The following OPTC variants were observed in gnomAD, a reference collection of about 807,000 sequenced individuals.
OPTC encodes the protein opticin.
Under a neutral mutation model 25.4 loss-of-function variants are expected in OPTC, and 22 were observed. That is an observed-to-expected ratio of 0.87 (90% CI 0.62 to 1.24). The LOEUF is 1.24. Among genes scored for constraint, OPTC ranks in the 50% most tolerant of loss-of-function variants. OPTC has a pLI of 0.00. For missense variants in OPTC, 417 were observed against 425.2 expected (o/e 0.98, Z 0.17); for synonymous variants, 169 against 179.3 (o/e 0.94, Z 0.46).
Position 203,498,809 on chromosome 1 carries a change from C to T in OPTC, c.499C>T (p.Arg167Cys), listed in dbSNP as rs149651299. The change falls in exon 4 of 8, where the codon CGT becomes TGT. Residue 167 changes from arginine to cysteine, a missense_variant. Coordinates refer to ENST00000367222, the MANE Select transcript of OPTC (RefSeq NM_014359.4). ...YLYARFNRISRIRAEDFKGLT... is the reference protein window; with the variant it reads ...YLYARFNRISCIRAEDFKGLT... Reference sequence around the variant, plus strand: ...GTATGCACGCTTCAACCGCATCAGCCGTATCAGGGCCGAAGACTTCAAAGG... The same window carrying T: ...GTATGCACGCTTCAACCGCATCAGCTGTATCAGGGCCGAAGACTTCAAAGG... The T allele has an allele frequency of 4.5e-5, 72 of 1,613,918 alleles. No individual in the cohort carries two copies. In the African/African-American group the frequency reaches 5.6e-4, roughly 13 times the overall value.
At chr1:203,507,536 C>T (rs1473715970) in intron 7 of OPTC, among the ~76,000 whole-genome samples, 1 of 152,192 alleles carries the variant, frequency 6.6e-6, no homozygotes, top group African/African-American at 2.4e-5. Flanking sequence ...TGGGCGGCAC[C>T]CTGGTGACTA....
intron 1 of OPTC, among the ~76,000 whole-genome samples, chr1:203,494,699 G>A: frequency 6.6e-6 from 1 of 152,150 alleles, no homozygotes; most frequent in Admixed American, 6.5e-5. Context: ...TTAAAAGAAA[G>A]AAAGAGGGAG....
In OPTC at chr1:203,508,459, C is replaced by T. The variant is rs563509527; in HGVS notation, c.*26-187C>T. Among the ~76,000 whole-genome samples, 20 of 152,290 alleles carry T rather than the reference C, an allele frequency of 1.3e-4. No individual in the cohort carries two copies. The South Asian group carries it at 4.1e-3, about 32-fold the overall frequency. On this transcript the variant is annotated intron_variant, in intron 7 of 7. Coordinates refer to ENST00000367222, the MANE Select transcript of OPTC (RefSeq NM_014359.4). ...CCCATCTCTGCCGCACCCCTACATG[C>T]CTGTGTCTGTGTCCTCCTTCCTTCT...
At chr1:203,494,992 T>C (rs1015250461) in intron 1 of OPTC, among the ~76,000 whole-genome samples, 1 of 152,240 alleles carries the variant, frequency 6.6e-6, no homozygotes, top group African/African-American at 2.4e-5. Flanking sequence ...CTTTTATCTG[T>C]AATAATCTGT....
At position 203,503,546 on chromosome 1, in the gene OPTC, C is replaced by G. The variant is rs745425127; in HGVS notation, c.829-4C>G. ...GAGGCTCAGCTGGTATGTGTTCTTC[C>G]CAGAATAACCTGATAGAGACCATGC... On this transcript the variant is annotated splice_polypyrimidine_tract_variant and splice_region_variant and intron_variant, in intron 6 of 7. Transcript: ENST00000367222. 6.2e-7 allele frequency: 1 copy of G among 1,613,232 alleles called. No homozygotes were observed. The highest frequency in any genetic ancestry group is 1.7e-5 in the Admixed American group (1 of 60,024).
At chr1:203,502,557 A>AT (rs1661407315) in intron 5 of OPTC, among the ~76,000 whole-genome samples, 1 of 152,098 alleles carries the variant, frequency 6.6e-6, no homozygotes, top group Non-Finnish European at 1.5e-5. Context: ...GTCCTTTCTG[A>AT]TAGCAGAGAA....
intron 3 of OPTC, among the ~76,000 whole-genome samples, chr1:203,497,414 T>A (rs891802541): frequency 6.6e-6 from 1 of 152,206 alleles, no homozygotes; most frequent in Non-Finnish European, 1.5e-5. Context: ...ATTAATAGCA[T>A]GACGGGGGAA....
At chr1:203,503,477 T>C (rs939531150) in intron 6 of OPTC, 73 bp from the exon 7 acceptor site, 1 of 1,467,248 alleles carries the variant, frequency 6.8e-7, no homozygotes, top group African/African-American at 1.4e-5. Flanking sequence ...TAGGGACAGC[T>C]GATGTGAGCC....
At position 203,498,756 on chromosome 1, in the gene OPTC, C is replaced by G. The variant is rs1327588141; in HGVS notation, c.446C>G (p.Pro149Arg). The part of the protein sequence containing the change: ...YCDDIDLEDI[P>R]PLPRRTAYLY... Reference sequence around the variant, plus strand: ...GATGACATTGACCTAGAGGACATTCCTCCTCTTCCTCGGAGGACTGCCTAC... The same window carrying G: ...GATGACATTGACCTAGAGGACATTCGTCCTCTTCCTCGGAGGACTGCCTAC... Residue 149 changes from proline (P) to arginine (R), a missense_variant, in exon 4 of 8, where the codon CCT becomes CGT. By Grantham distance (103) the Pro-to-Arg change is moderately radical. Transcript: ENST00000367222. The G allele has an allele frequency of 1.2e-5, 20 of 1,613,948 alleles. No individual in the cohort carries two copies. Among genetic ancestry groups the G allele is most frequent in the Non-Finnish European group, 1.6e-5 (19 of 1,179,958 alleles).
intron 5 of OPTC, among the ~76,000 whole-genome samples, chr1:203,501,110 G>A (rs773393027): frequency 6.6e-6 from 1 of 152,128 alleles, no homozygotes; most frequent in Non-Finnish European, 1.5e-5. Context: ...TTTTGTTGTT[G>A]TTGTTTTGAG....
intron 7 of OPTC, among the ~76,000 whole-genome samples, chr1:203,506,837 T>C (rs1661498653): frequency 6.6e-6 from 1 of 152,228 alleles, no homozygotes; most frequent in Non-Finnish European, 1.5e-5. Flanking sequence ...TCTGAAGTCC[T>C]GCTCTCTGCC....
At position 203,502,974 on chromosome 1, in the gene OPTC, C is replaced by T. The variant is rs1188294016; in HGVS notation, c.793C>T (p.Pro265Ser). 1.9e-6 allele frequency: 3 copies of T among 1,613,948 alleles called. No homozygotes were observed. The highest frequency in any genetic ancestry group is 2.2e-5 in the East Asian group (1 of 44,872). The part of the protein sequence containing the change: ...SDNLLDSIPG[P>S]LPLSLRSVHL... The stretch of plus-strand genomic sequence containing the variant: ...CAACCTGCTGGATTCTATCCCGGGG[C>T]CTTTGCCCCTGAGCCTGCGCTCTGT... The change falls in exon 6 of 8, where the codon CCT becomes TCT. Residue 265 changes from proline to serine, a missense_variant. Physicochemically the swap from Pro to Ser is moderately conservative, Grantham distance 74. Transcript: ENST00000367222.
rs140240915 is a variant in OPTC, at chr1:203,501,979, G to A, written c.733-935G>A. The stretch of plus-strand genomic sequence containing the variant: ...AGCCCAGGATAAGGCCTGGGCTTTG[G>A]AGCCACAGAGACCTGGGTTTGTGCG... On this transcript the variant is annotated intron_variant, in intron 5 of 7. Transcript: ENST00000367222. Among the ~76,000 whole-genome samples the A allele has an allele frequency of 2.0e-4, 31 of 152,196 alleles. No individual in the cohort carries two copies. In the East Asian group the frequency reaches 5.6e-3, roughly 28 times the overall value.
chr1:203,496,903 G>C, intron 2 of OPTC, 74 bp from the exon 3 acceptor site: 2 of 1,503,260 alleles, frequency 1.3e-6, no homozygotes, highest in Non-Finnish European at 1.9e-6. Flanking sequence ...CCATCACTGA[G>C]GTTCCCAGAG....
chr1:203,506,245 G>A (rs992936278), intron 7 of OPTC, among the ~76,000 whole-genome samples: 15 of 148,280 alleles, frequency 1.0e-4, no homozygotes, highest in Admixed American at 2.7e-4. Context: ...TCTGCCTCCC[G>A]GATTCAAGCA....
intron 4 of OPTC, among the ~76,000 whole-genome samples, chr1:203,499,170 A>G (rs1318696219): frequency 1.3e-5 from 2 of 151,460 alleles, no homozygotes; most frequent in Non-Finnish European, 2.9e-5. Context: ...TCTTAAATCT[A>G]CTCTCCATGG....
rs763537409 is a variant in OPTC, at chr1:203,499,711, C to A, written c.592C>A (p.Arg198Ser). ...TTCCTCCATCGATAATGATGCCTTC[C>A]GCCTGCTACATGCCCTCCAGGACCT... ...LISSIDNDAF[R>S]LLHALQDLIL... Residue 198 changes from arginine (R) to serine (S), a missense_variant, in exon 5 of 8, where the codon CGC (arginine) becomes AGC (serine). Physicochemically the swap from Arg to Ser is moderately radical, Grantham distance 110. Transcript: ENST00000367222. 1.9e-6 allele frequency: 3 copies of A among 1,613,450 alleles called. No homozygotes were observed. Among genetic ancestry groups the A allele is most frequent in the African/African-American group, 1.3e-5 (1 of 74,814 alleles).
chr1:203,506,145 C>CTTTTTTTTTTTTT (rs78639556), intron 7 of OPTC, among the ~76,000 whole-genome samples: 1 of 89,464 alleles, frequency 1.1e-5, no homozygotes, highest in African/African-American at 3.8e-5. Flanking sequence ...ATCCAATTTT[C>CTTTTTTTTTTTTT]TTTTTTCTTT....
chr1:203,498,742 C>T lies in OPTC; in HGVS notation c.432C>T (p.Asp144=). The T allele has an allele frequency of 2.5e-6, 4 of 1,614,180 alleles. No individual in the cohort carries two copies. Among genetic ancestry groups the T allele is most frequent in the Non-Finnish European group, 2.5e-6 (3 of 1,180,022 alleles). Residue 144 remains aspartate, a synonymous_variant, in exon 4 of 8, where the codon GAC becomes GAT. Transcript: ENST00000367222. ...CCTCTGTGTATTGCGATGACATTGA[C>T]CTAGAGGACATTCCTCCTCTTCCTC... The part of the protein sequence containing the change: ...LGSSVYCDDI[D]LEDIPPLPRR...
Sources: gnomAD v4.1 joint callset for allele counts (sites outside exome capture counted in the v4.1 genomes callset) on GRCh38, gnomAD v4.1.1 for gene constraint, MANE v1.5 for transcripts, NCBI Gene and HGNC (gene_info 2026-07-23, HGNC 2026-07-21) for gene names.